KCNIP4: variants seen among roughly 807,000 people sequenced by gnomAD.
The protein encoded by KCNIP4 is potassium voltage-gated channel interacting protein 4, also known as Kv channel-interacting protein 4.
Under a neutral mutation model 34.0 loss-of-function variants are expected in KCNIP4, and 12 were observed. The observed-to-expected ratio is 0.35, with a 90% confidence interval of 0.23 to 0.57. The LOEUF is 0.57. Among genes scored for constraint, KCNIP4 ranks in the 20% least tolerant of loss-of-function variants. KCNIP4 has a pLI of 0.83. For missense variants in KCNIP4, 238 were observed against 311.7 expected, an observed-to-expected ratio of 0.76 and a Z score of 1.78; for synonymous variants, 124 against 102.2, an observed-to-expected ratio of 1.21 and a Z score of -1.29.
At chr4:21,789,317 A>G (rs1458486759) in intron 1 of KCNIP4, among the ~76,000 whole-genome samples, 1 of 152,122 alleles carries the variant, frequency 6.6e-6, no homozygotes, top group Non-Finnish European at 1.5e-5. Flanking sequence ...ATGTAAGTAA[A>G]TTTCAGGTGC....
At position 21,668,147 on chromosome 4, in the gene KCNIP4, C is replaced by T. The variant is rs761471870; in HGVS notation, c.61+280424G>A. Among the ~76,000 whole-genome samples the T allele has an allele frequency of 2.4e-4, 36 of 152,038 alleles. 1 individual carries two copies. Among genetic ancestry groups the T allele is most frequent in the South Asian group, 8.3e-4 (4 of 4,818 alleles). On this transcript the variant is annotated intron_variant, in intron 1 of 8. Transcript: ENST00000382152. ...AACACAGGAACAGAAAACCAAACACCGCATGTTCTCACTCATAAGTGGGAG... is the reference window on the plus strand; with the variant it reads ...AACACAGGAACAGAAAACCAAACACTGCATGTTCTCACTCATAAGTGGGAG...
chr4:21,731,835 A>G (rs1715625018), intron 1 of KCNIP4, among the ~76,000 whole-genome samples: 1 of 152,172 alleles, frequency 6.6e-6, no homozygotes, highest in Non-Finnish European at 1.5e-5. Context: ...ATGTACTAAA[A>G]GAATACCAGA....
chr4:21,676,452 A>G (rs1174744032), intron 1 of KCNIP4, among the ~76,000 whole-genome samples: 2 of 152,204 alleles, frequency 1.3e-5, no homozygotes, highest in Non-Finnish European at 2.9e-5. Context: ...TTAAAGAATG[A>G]TTATTTTTAG....
At chr4:21,592,775 A>G (rs972938575) in intron 1 of KCNIP4, among the ~76,000 whole-genome samples, 3 of 152,164 alleles carry the variant, frequency 2.0e-5, no homozygotes, top group African/African-American at 7.2e-5. Context: ...TAGAGATTCA[A>G]CAAGAGCTAA....
At chr4:21,910,778 T>C (rs1728261628) in intron 1 of KCNIP4, among the ~76,000 whole-genome samples, 1 of 152,286 alleles carries the variant, frequency 6.6e-6, no homozygotes, top group East Asian at 1.9e-4. Context: ...TTACTTTTTC[T>C]CAGAAGATTA....
chr4:21,815,153 C>T (rs1488805234), intron 1 of KCNIP4, among the ~76,000 whole-genome samples: 1 of 152,068 alleles, frequency 6.6e-6, no homozygotes, highest in South Asian at 2.1e-4. Flanking sequence ...AACCATCTGC[C>T]TGGATGAATC....
intron 1 of KCNIP4, among the ~76,000 whole-genome samples, chr4:21,139,618 C>T (rs1751783722): frequency 6.6e-6 from 1 of 152,186 alleles, no homozygotes; most frequent in South Asian, 2.1e-4. Context: ...TCCATCTCGA[C>T]TCAACTCAGG....
chr4:21,141,801 G>T (rs1560758741), intron 1 of KCNIP4, among the ~76,000 whole-genome samples: 2 of 151,966 alleles, frequency 1.3e-5, no homozygotes, highest in South Asian at 2.1e-4. Flanking sequence ...AGGTAATGAG[G>T]TCAAGCAAGG....
rs953470054 is a variant in KCNIP4, at chr4:20,755,381, T to C, written c.358+3440A>G. 1.3e-5 allele frequency among the ~76,000 whole-genome samples: 2 copies of C among 152,216 alleles called. 1 individual carries two copies. Among genetic ancestry groups the C allele is most frequent in the Admixed American group, 1.3e-4 (2 of 15,284 alleles). On this transcript the variant is annotated intron_variant, in intron 4 of 8. Transcript: ENST00000382152. ...CAACTAATACTTAAGTGCTGTACAC[T>C]TTTCAAAGAGCCTTTTACAGATATT... is the stretch of plus-strand genomic sequence containing the variant.
At chr4:21,289,398 T>C (rs1428512046) in intron 1 of KCNIP4, among the ~76,000 whole-genome samples, 1 of 152,172 alleles carries the variant, frequency 6.6e-6, no homozygotes, top group Non-Finnish European at 1.5e-5. Context: ...ATTTATTCCA[T>C]CTAACCATGT....
At position 20,838,265 on chromosome 4, in the gene KCNIP4, T is replaced by C. The variant is rs369567798; in HGVS notation, c.288+12278A>G. The stretch of plus-strand genomic sequence containing the variant: ...GAGTCTTAGTACTATTTCTAAATGC[T>C]GGTTCTTCAAGTGGTATTTGAGTTT... On this transcript the variant is annotated intron_variant, in intron 3 of 8. Coordinates refer to ENST00000382152, the MANE Select transcript of KCNIP4 (RefSeq NM_025221.6). Among the ~76,000 whole-genome samples, 5 of 152,336 alleles carry C rather than the reference T, an allele frequency of 3.3e-5. No individual in the cohort carries two copies. The East Asian group carries it at 9.7e-4, about 29-fold the overall frequency.
intron 1 of KCNIP4, among the ~76,000 whole-genome samples, chr4:21,540,521 C>T (rs543156007): frequency 6.6e-6 from 1 of 152,236 alleles, no homozygotes; most frequent in East Asian, 1.9e-4. Context: ...AAAACAATGG[C>T]TCTGGATTCA....
chr4:21,137,267 CA>C (rs891601530), intron 1 of KCNIP4, among the ~76,000 whole-genome samples: 1 of 152,158 alleles, frequency 6.6e-6, no homozygotes, highest in Non-Finnish European at 1.5e-5. Flanking sequence ...ACAGAAGAAG[CA>C]ACCCTTTCAA....
At chr4:20,926,821 T>A (rs1729945601) in intron 1 of KCNIP4, among the ~76,000 whole-genome samples, 1 of 152,216 alleles carries the variant, frequency 6.6e-6, no homozygotes, top group Non-Finnish European at 1.5e-5. Context: ...GTATTTGTGC[T>A]TTCAACTTAG....
chr4:21,791,613 T>G, intron 1 of KCNIP4, among the ~76,000 whole-genome samples: 1 of 152,118 alleles, frequency 6.6e-6, no homozygotes. Context: ...GTGTCCACAC[T>G]CATCCTAACT....
At chr4:21,697,132 T>TA (rs1028563253) in intron 1 of KCNIP4, among the ~76,000 whole-genome samples, 46 of 151,480 alleles carry the variant, frequency 3.0e-4, no homozygotes, top group East Asian at 1.2e-3. Flanking sequence ...CTTGAAGAGA[T>TA]AAAAAAAATA....
chr4:21,948,505 C>A, intron 1 of KCNIP4, 66 bp downstream of exon 1: 2 of 1,546,632 alleles, frequency 1.3e-6, no homozygotes, highest in Non-Finnish European at 1.8e-6. Flanking sequence ...GAAGGGGCAG[C>A]CGTCTTGGCT....
At chr4:21,576,361 C>T (rs1211770503) in intron 1 of KCNIP4, among the ~76,000 whole-genome samples, 1 of 152,110 alleles carries the variant, frequency 6.6e-6, no homozygotes, top group Admixed American at 6.5e-5. Flanking sequence ...TAACATAAAC[C>T]AAGGTCACGT....
chr4:21,789,832 T>A (rs1720160879), intron 1 of KCNIP4, among the ~76,000 whole-genome samples: 1 of 152,288 alleles, frequency 6.6e-6, no homozygotes, highest in South Asian at 2.1e-4. Flanking sequence ...ATAAACATGA[T>A]GTCTAAGGCA....
Sources: gnomAD v4.1 joint callset for allele counts (sites outside exome capture counted in the v4.1 genomes callset) on GRCh38, gnomAD v4.1.1 for gene constraint, MANE v1.5 for transcripts, NCBI Gene and HGNC (gene_info 2026-07-23, HGNC 2026-07-21) for gene names.